Variants in MIPEP observed in about 807,000 individuals in gnomAD.
MIPEP encodes the protein mitochondrial intermediate peptidase.
Under a neutral mutation model 90.3 loss-of-function variants are expected in MIPEP, and 79 were observed. That is an observed-to-expected ratio of 0.87 (90% confidence interval 0.73 to 1.05). MIPEP has a LOEUF of 1.05. MIPEP is among the 50% of genes least tolerant of loss of function. The probability of loss-of-function intolerance (pLI) is 0.00; values close to 1 mark genes in which losing one functional copy is unlikely to be tolerated. For synonymous variants in MIPEP, 334 were observed against 315.8 expected (o/e 1.06, Z -0.61); for missense variants, 940 against 905.6 (o/e 1.04, Z -0.49).
chr13:23,838,551 T>G (rs2137458845), intron 12 of MIPEP, among the ~76,000 whole-genome samples: 1 of 152,310 alleles, frequency 6.6e-6, no homozygotes, highest in East Asian at 1.9e-4. Context: ...ACACTGAGAC[T>G]CACATACACT....
intron 14 of MIPEP, among the ~76,000 whole-genome samples, chr13:23,818,559 A>G (rs1953269819): frequency 6.6e-6 from 1 of 152,256 alleles, no homozygotes; most frequent in Admixed American, 6.5e-5. Flanking sequence ...GAACTGCCAT[A>G]TAGTCTGATA....
chr13:23,755,704 C>A (rs553581743), intron 18 of MIPEP, among the ~76,000 whole-genome samples: 2 of 151,950 alleles, frequency 1.3e-5, no homozygotes, highest in Admixed American at 6.6e-5. Context: ...TGATCACTTC[C>A]ATTTACAATT....
At chr13:23,767,452 T>C (rs1277784521) in intron 16 of MIPEP, among the ~76,000 whole-genome samples, 1 of 124,022 alleles carries the variant, frequency 8.1e-6, no homozygotes, top group Non-Finnish European at 1.8e-5. Context: ...AGTATCTTTG[T>C]AAATTTTTTT....
At position 23,862,294 on chromosome 13, in the gene MIPEP, A is replaced by AT. The variant is rs2137502941; in HGVS notation, c.1053+7dup. On this transcript the variant is annotated splice_region_variant and intron_variant, in intron 9 of 18. Transcript: ENST00000382172. ...TATATTATAATAAAAATATTCCAACATACTTACGGAATTTTGAGGATTCAG... is the reference window on the plus strand; with the variant it reads ...TATATTATAATAAAAATATTCCAACATTACTTACGGAATTTTGAGGATTCAG... The AT allele has an allele frequency of 8.0e-6, 12 of 1,500,432 alleles. No homozygotes were observed. Among genetic ancestry groups the AT allele is most frequent in the Non-Finnish European group, 9.2e-6 (10 of 1,088,318 alleles). The allele number at this position is 1,500,432 out of a possible 1,614,324, so 92.9% of individuals were successfully genotyped here. A position where few individuals can be genotyped will look rare whatever the true frequency, so the allele number is the denominator to read the frequency against.
chr13:23,749,276 C>T (rs1952415067), intron 18 of MIPEP, among the ~76,000 whole-genome samples: 2 of 152,064 alleles, frequency 1.3e-5, no homozygotes, highest in Admixed American at 6.5e-5. Context: ...CCTCGATTGT[C>T]GTGATGTTTG....
Position 23,837,853 on chromosome 13 carries a change from G to A in MIPEP, c.1339-97C>T. ...ATATAAAATTTCACCAAAAATGTGT[G>A]AGTGCAAACTTTAACTTAATTATAT... On this transcript the variant is annotated intron_variant, in intron 12 of 18. Coordinates refer to ENST00000382172, the MANE Select transcript of MIPEP (RefSeq NM_005932.4). 16 of 845,478 alleles carry A rather than the reference G, an allele frequency of 1.9e-5. No individual in the cohort carries two copies. In the South Asian group the frequency reaches 2.3e-4, roughly 12 times the overall value. The allele number at this position is 845,478 out of a possible 1,614,324, so 52.4% of individuals were successfully genotyped here.
intron 18 of MIPEP, among the ~76,000 whole-genome samples, chr13:23,741,551 T>C (rs371907737): frequency 6.6e-6 from 1 of 152,182 alleles, no homozygotes; most frequent in Non-Finnish European, 1.5e-5. Context: ...CCATTATCCT[T>C]AGCAAACTAA....
At chr13:23,744,571 G>T (rs2138494038) in intron 18 of MIPEP, among the ~76,000 whole-genome samples, 1 of 152,290 alleles carries the variant, frequency 6.6e-6, no homozygotes, top group South Asian at 2.1e-4. Context: ...ACTGTTTAGA[G>T]AATTAAATGA....
At chr13:23,747,463 T>G in intron 18 of MIPEP, 1 of 464,784 alleles carries the variant, frequency 2.2e-6, no homozygotes, top group South Asian at 1.5e-5. Flanking sequence ...TAACAGTCAG[T>G]ACTCGTCCAG....
intron 14 of MIPEP, among the ~76,000 whole-genome samples, chr13:23,831,276 TC>T (rs1868722460): frequency 6.7e-6 from 1 of 150,138 alleles, no homozygotes; most frequent in African/African-American, 2.5e-5. Context: ...GACAAATAGA[TC>T]CTGCCTCCAT....
rs746058586 is a variant in MIPEP at position 23,886,454 on chromosome 13, T to C, written c.242A>G (p.Gln81Arg). ...TTCTGTCTTTCTCAAGGCTTTTTCT[T>C]GTGCAATATGAAATCCTTCTGGGGC... ...LSAPEGFHIA[Q>R]EKALRKTELL... The change falls in exon 2 of 19, where the codon CAA becomes CGA. Residue 81 changes from glutamine (Q) to arginine (R), a missense_variant. Transcript: ENST00000382172. The C allele has an allele frequency of 1.4e-5, 23 of 1,605,838 alleles. No individual in the cohort carries two copies. Among genetic ancestry groups the C allele is most frequent in the South Asian group, 3.3e-5 (3 of 90,080 alleles).
intron 18 of MIPEP, among the ~76,000 whole-genome samples, chr13:23,744,910 A>G (rs1952367535): frequency 6.6e-6 from 1 of 152,226 alleles, no homozygotes; most frequent in Non-Finnish European, 1.5e-5. Context: ...AAATAAATCT[A>G]GTGTTGAAAT....
At position 23,749,380 on chromosome 13, in the gene MIPEP, C is replaced by T. The variant is rs1008001694; in HGVS notation, c.2044+7165G>A. On this transcript the variant is annotated intron_variant, in intron 18 of 18. Coordinates refer to ENST00000382172, the MANE Select transcript of MIPEP (RefSeq NM_005932.4). Reference sequence around the variant, plus strand: ...GGTTATTTTAAAAAAAAGGCATCAACGCTTATTATTTAAGCTGCTGTGTCA... The same window carrying T: ...GGTTATTTTAAAAAAAAGGCATCAATGCTTATTATTTAAGCTGCTGTGTCA... 5.9e-5 allele frequency among the ~76,000 whole-genome samples: 9 copies of T among 152,174 alleles called. 1 individual carries two copies. In the South Asian group the frequency reaches 1.0e-3, roughly 18 times the overall value.
At chr13:23,772,700 T>TC (rs1952666520) in intron 16 of MIPEP, among the ~76,000 whole-genome samples, 1 of 152,134 alleles carries the variant, frequency 6.6e-6, no homozygotes, top group South Asian at 2.1e-4. Flanking sequence ...TCCTTCTAGA[T>TC]CTATAGGTTA....
intron 16 of MIPEP, among the ~76,000 whole-genome samples, chr13:23,781,843 CA>C (rs1273239173): frequency 6.6e-6 from 1 of 152,036 alleles, no homozygotes; most frequent in Non-Finnish European, 1.5e-5. Context: ...CAACAAAGAT[CA>C]AAAAAGACAA....
chr13:23,739,674 T>C (rs1413940609), intron 18 of MIPEP, among the ~76,000 whole-genome samples: 2 of 152,214 alleles, frequency 1.3e-5, no homozygotes, highest in African/African-American at 4.8e-5. Flanking sequence ...GGCATGGACC[T>C]CTCCCATCAT....
intron 18 of MIPEP, among the ~76,000 whole-genome samples, chr13:23,753,949 A>G (rs1952466402): frequency 6.6e-6 from 1 of 152,140 alleles, no homozygotes. Context: ...TAAGGAGGTA[A>G]AAAAAAGTTG....
intron 7 of MIPEP, among the ~76,000 whole-genome samples, chr13:23,865,541 A>G (rs1870491802): frequency 6.6e-6 from 1 of 152,204 alleles, no homozygotes; most frequent in South Asian, 2.1e-4. Context: ...TATTCCAGGT[A>G]CCATACCAAA....
At chr13:23,818,963 A>G (rs774861020) in intron 14 of MIPEP, among the ~76,000 whole-genome samples, 2 of 152,236 alleles carry the variant, frequency 1.3e-5, no homozygotes, top group Non-Finnish European at 2.9e-5. Context: ...AAAACATTAG[A>G]TGGCAAGACC....
Sources: allele counts gnomAD v4.1 joint callset (sites outside exome capture counted in the v4.1 genomes callset), GRCh38; gene constraint gnomAD v4.1.1; transcripts MANE v1.5; gene names NCBI Gene and HGNC (gene_info 2026-07-23, HGNC 2026-07-21).